LRMDA: variants seen among roughly 807,000 people sequenced by gnomAD.
LRMDA encodes leucine-rich melanocyte differentiation-associated protein.
LRMDA carries 18 observed loss-of-function variants against 29.8 expected under a neutral mutation model. The ratio of observed to expected loss-of-function variants is 0.60; its 90% CI spans 0.42 to 0.90. LRMDA has a LOEUF of 0.90. Ranked by LOEUF, LRMDA falls within the 40% of genes least tolerant of loss-of-function variation. The pLI, the probability that LRMDA is intolerant of heterozygous loss-of-function variation, is 0.00. For missense variants in LRMDA, 273 were observed against 273.9 expected (o/e 1.00, Z 0.02); for synonymous variants, 125 against 109.4 (o/e 1.14, Z -0.89).
At chr10:76,467,671 G>C (rs556701971) in intron 6 of LRMDA, among the ~76,000 whole-genome samples, 1 of 152,096 alleles carries the variant, frequency 6.6e-6, no homozygotes, top group Non-Finnish European at 1.5e-5. Flanking sequence ...ATTTTGGCCT[G>C]TGACAATTTT....
chr10:75,873,698 A>T (rs1374312250), intron 2 of LRMDA, among the ~76,000 whole-genome samples: 1 of 152,192 alleles, frequency 6.6e-6, no homozygotes, highest in African/African-American at 2.4e-5. Flanking sequence ...AAAGTGCATA[A>T]TTATTATTTA....
intron 2 of LRMDA, among the ~76,000 whole-genome samples, chr10:75,915,878 G>A (rs908617900): frequency 3.9e-5 from 6 of 152,296 alleles, no homozygotes; most frequent in African/African-American, 9.6e-5. Context: ...ATTGGCCACC[G>A]TTCCTGTGGA....
chr10:75,459,153 C>G (rs537876795), intron 2 of LRMDA, among the ~76,000 whole-genome samples: 10 of 152,248 alleles, frequency 6.6e-5, no homozygotes, highest in Admixed American at 6.5e-4. Flanking sequence ...GTTAACTAGT[C>G]AGATTGGCTA....
intron 5 of LRMDA, among the ~76,000 whole-genome samples, chr10:76,263,080 GA>G (rs1160964953): frequency 1.3e-5 from 2 of 151,756 alleles, no homozygotes; most frequent in Non-Finnish European, 2.9e-5. Flanking sequence ...TTTTCAAATT[GA>G]AAAAAAATTC....
chr10:76,077,992 ATTTTTTTTTTTTTTTTT>A (rs756023731), intron 5 of LRMDA, among the ~76,000 whole-genome samples: 10 of 48,080 alleles, frequency 2.1e-4, no homozygotes, highest in Admixed American at 6.5e-4. Context: ...CAATATTAAC[ATTTTTTTTTTTTTTTTT>A]TTTTTTTTTT....
intron 5 of LRMDA, among the ~76,000 whole-genome samples, chr10:76,102,410 C>A (rs1849408270): frequency 1.3e-5 from 2 of 152,128 alleles, no homozygotes; most frequent in South Asian, 4.1e-4. Context: ...ATTAAGTAGG[C>A]CCCATTGTTG....
intron 2 of LRMDA, among the ~76,000 whole-genome samples, chr10:75,941,274 G>A (rs143103347): frequency 3.9e-4 from 59 of 152,272 alleles, no homozygotes; most frequent in African/African-American, 1.3e-3. Context: ...TCTATTGCCC[G>A]TTGGCCTCCT....
intron 6 of LRMDA, chr10:76,433,708 T>C (rs1358438915): frequency 6.6e-6 from 1 of 152,256 alleles, no homozygotes; most frequent in East Asian, 1.9e-4. Flanking sequence ...GTTTGTGTTT[T>C]CCTCTAGCCC....
chr10:75,728,951 C>T (rs867969300), intron 2 of LRMDA, among the ~76,000 whole-genome samples: 4 of 152,164 alleles, frequency 2.6e-5, no homozygotes, highest in Non-Finnish European at 5.9e-5. Context: ...ACCTTCTCTC[C>T]TCTGTGCCTC....
At chr10:76,460,709 G>A (rs941710720) in intron 6 of LRMDA, among the ~76,000 whole-genome samples, 3 of 152,316 alleles carry the variant, frequency 2.0e-5, no homozygotes, top group African/African-American at 7.2e-5. Context: ...TAGAAGGGTG[G>A]ATGGGAAGCA....
Position 75,840,929 on chromosome 10 carries a change from G to A in LRMDA, c.132-195079G>A, listed in dbSNP as rs1469124841. Reference sequence around the variant, plus strand: ...GTCTGCCTATGCTTTGAATTGGCATGTTGAGTTTAAGTGTGTTTGTGTGTG... The same window carrying A: ...GTCTGCCTATGCTTTGAATTGGCATATTGAGTTTAAGTGTGTTTGTGTGTG... On this transcript the variant is annotated intron_variant, in intron 2 of 6. Transcript: ENST00000611255. Among the ~76,000 whole-genome samples the A allele has an allele frequency of 2.0e-5, 3 of 152,338 alleles. No homozygotes were observed. In the East Asian group the frequency reaches 5.8e-4, roughly 29 times the overall value.
At chr10:76,100,783 C>A (rs910035059) in intron 5 of LRMDA, among the ~76,000 whole-genome samples, 1 of 152,178 alleles carries the variant, frequency 6.6e-6, no homozygotes, top group African/African-American at 2.4e-5. Context: ...CTCTGCCTTT[C>A]CATTAGTAGC....
chr10:76,147,704 C>G (rs1310473362), intron 5 of LRMDA, among the ~76,000 whole-genome samples: 1 of 152,176 alleles, frequency 6.6e-6, no homozygotes, highest in East Asian at 1.9e-4. Context: ...CATTCTCCAT[C>G]CAGCTTTGTT....
At chr10:76,353,649 C>G (rs980994438) in intron 6 of LRMDA, among the ~76,000 whole-genome samples, 2 of 152,084 alleles carry the variant, frequency 1.3e-5, no homozygotes, top group African/African-American at 4.8e-5. Flanking sequence ...CAACTGAGAC[C>G]TTTCACTCAA....
At chr10:76,372,907 A>C (rs1343145313) in intron 6 of LRMDA, among the ~76,000 whole-genome samples, 1 of 152,162 alleles carries the variant, frequency 6.6e-6, no homozygotes, top group Non-Finnish European at 1.5e-5. Flanking sequence ...CCCAAACTGT[A>C]GTCTATGGAA....
intron 2 of LRMDA, among the ~76,000 whole-genome samples, chr10:75,689,715 G>A (rs2132159351): frequency 6.6e-6 from 1 of 152,230 alleles, no homozygotes; most frequent in Admixed American, 6.5e-5. Flanking sequence ...TCTGAAATGA[G>A]TCCATTCATT....
chr10:75,719,356 T>C (rs1021936162), intron 2 of LRMDA, among the ~76,000 whole-genome samples: 1 of 152,066 alleles, frequency 6.6e-6, no homozygotes, highest in Admixed American at 6.6e-5. Flanking sequence ...GTACCAGGAG[T>C]GGTTTTGTGT....
At chr10:76,514,728 C>A (rs1230769853) in intron 6 of LRMDA, among the ~76,000 whole-genome samples, 2 of 152,102 alleles carry the variant, frequency 1.3e-5, no homozygotes, top group African/African-American at 4.8e-5. Flanking sequence ...GGAGTGCAGC[C>A]TGAAAACTGT....
At chr10:76,516,399 T>C (rs1349330111) in intron 6 of LRMDA, among the ~76,000 whole-genome samples, 1 of 152,124 alleles carries the variant, frequency 6.6e-6, no homozygotes, top group Admixed American at 6.5e-5. Flanking sequence ...AATGTGCAGG[T>C]TTGTTACATA....
Sources: allele counts gnomAD v4.1 joint callset (sites outside exome capture counted in the v4.1 genomes callset), GRCh38; gene constraint gnomAD v4.1.1; transcripts MANE v1.5; gene names NCBI Gene and HGNC (gene_info 2026-07-23, HGNC 2026-07-21).